Variants in CAMK4 observed in about 807,000 individuals in gnomAD.
CAMK4 encodes calcium/calmodulin dependent protein kinase IV.
In CAMK4, 22 loss-of-function variants were observed where a neutral mutation model predicts 44.9. The observed-to-expected ratio is 0.49, with a 90% CI of 0.35 to 0.70. The LOEUF is 0.70. Among genes scored for constraint, CAMK4 ranks in the 30% least tolerant of loss-of-function variants. The pLI is 0.01. For missense variants in CAMK4, 498 were observed against 586.8 expected, an observed-to-expected ratio of 0.85 and a Z score of 1.56; for synonymous variants, 218 against 215.4, an observed-to-expected ratio of 1.01 and a Z score of -0.11.
intron 1 of CAMK4, among the ~76,000 whole-genome samples, chr5:111,322,231 G>T (rs1365808687): frequency 2.0e-5 from 3 of 152,048 alleles, no homozygotes; most frequent in Non-Finnish European, 4.4e-5. Flanking sequence ...AACAAATGTG[G>T]AGAAGCTGAG....
rs146507463 is a variant in CAMK4, at chr5:111,347,314, G to A, written c.240+3212G>A. On this transcript the variant is annotated intron_variant, in intron 2 of 10. Coordinates refer to ENST00000282356, the MANE Select transcript of CAMK4 (RefSeq NM_001744.6). ...TGACAGTGGTTGGCATTTTTCATCT[G>A]GTGAGGGTCAAGGTTTCTGAATAAC... Among the ~76,000 whole-genome samples the A allele has an allele frequency of 1.6e-4, 24 of 152,086 alleles. No homozygotes were observed. The South Asian group carries it at 2.5e-3, about 16-fold the overall frequency.
At chr5:111,359,659 T>C (rs973407065) in intron 2 of CAMK4, among the ~76,000 whole-genome samples, 5 of 152,144 alleles carry the variant, frequency 3.3e-5, no homozygotes, top group African/African-American at 9.7e-5. Flanking sequence ...TCCTTGCCAA[T>C]TCCTATGTCC....
chr5:111,320,798 A>T (rs1748631769), intron 1 of CAMK4, among the ~76,000 whole-genome samples: 1 of 152,122 alleles, frequency 6.6e-6, no homozygotes, highest in South Asian at 2.1e-4. Flanking sequence ...GAGCCACTGT[A>T]CCCAGCTAAT....
At chr5:111,345,242 A>G (rs1749818533) in intron 2 of CAMK4, among the ~76,000 whole-genome samples, 1 of 151,918 alleles carries the variant, frequency 6.6e-6, no homozygotes, top group African/African-American at 2.4e-5. Flanking sequence ...AATAACAAAA[A>G]CAATTTAATG....
intron 1 of CAMK4, among the ~76,000 whole-genome samples, chr5:111,335,205 C>T (rs957774574): frequency 6.6e-6 from 1 of 151,396 alleles, no homozygotes; most frequent in Non-Finnish European, 1.5e-5. Flanking sequence ...CACAAACATC[C>T]CACTATGTCC....
chr5:111,352,455 G>A (rs544196295), intron 2 of CAMK4, among the ~76,000 whole-genome samples: 113 of 151,994 alleles, frequency 7.4e-4, no homozygotes, highest in African/African-American at 2.5e-3. Context: ...AAATTAATAA[G>A]ACAATACTTT....
chr5:111,362,598 T>A (rs1750636739), intron 2 of CAMK4, among the ~76,000 whole-genome samples: 1 of 152,084 alleles, frequency 6.6e-6, no homozygotes, highest in Non-Finnish European at 1.5e-5. Flanking sequence ...TTTTTAAATG[T>A]GACTATGATA....
At chr5:111,356,822 G>A (rs548075927) in intron 2 of CAMK4, among the ~76,000 whole-genome samples, 20 of 152,132 alleles carry the variant, frequency 1.3e-4, no homozygotes, top group Admixed American at 7.2e-4. Flanking sequence ...GTAGATATGC[G>A]GCGTTATTTC....
At chr5:111,346,011 A>G (rs1749848174) in intron 2 of CAMK4, among the ~76,000 whole-genome samples, 2 of 151,994 alleles carry the variant, frequency 1.3e-5, no homozygotes, top group South Asian at 4.1e-4. Flanking sequence ...TTGAATGTGA[A>G]TTAGATAGAA....
chr5:111,330,907 C>G (rs1193886855), intron 1 of CAMK4, among the ~76,000 whole-genome samples: 1 of 151,586 alleles, frequency 6.6e-6, no homozygotes, highest in Non-Finnish European at 1.5e-5. Flanking sequence ...GCTGGAACAA[C>G]TACATAAATA....
chr5:111,376,774 A>G (rs998242633), intron 3 of CAMK4, 86 bp from the exon 4 acceptor site: 10 of 724,494 alleles, frequency 1.4e-5, no homozygotes, highest in Admixed American at 4.6e-5. Context: ...CTACTGCAGA[A>G]TGTTGTTTTA....
rs77701426 is a variant in CAMK4, at chr5:111,446,180, A to C, written c.460-506A>C. ...ATGAGTGCATCCATCATTATCAAAC[A>C]GTATTTGTCTTGTTAAGGATAGTTC... On this transcript the variant is annotated intron_variant, in intron 5 of 10. Transcript: ENST00000282356. 3.9e-3 allele frequency among the ~76,000 whole-genome samples: 589 copies of C among 152,372 alleles called. 5 individuals carry two copies. Among genetic ancestry groups the C allele is most frequent in the African/African-American group, 0.013 (536 of 41,584 alleles).
intron 2 of CAMK4, among the ~76,000 whole-genome samples, chr5:111,349,055 TAA>T (rs1459281612): frequency 6.6e-6 from 1 of 152,040 alleles, no homozygotes; most frequent in Non-Finnish European, 1.5e-5. Context: ...GTGTTAACTG[TAA>T]ACAAGAGAGG....
chr5:111,340,184 A>C (rs1749580458), intron 1 of CAMK4, among the ~76,000 whole-genome samples: 1 of 150,652 alleles, frequency 6.6e-6, no homozygotes, highest in African/African-American at 2.4e-5. Context: ...AGTTTAACTT[A>C]CTCCTTTTTG....
chr5:111,462,625 T>C (rs1175805451), intron 7 of CAMK4, among the ~76,000 whole-genome samples: 1 of 152,174 alleles, frequency 6.6e-6, no homozygotes, highest in Non-Finnish European at 1.5e-5. Context: ...ACTCAGTAAG[T>C]AAGAAAGAAT....
At chr5:111,227,638 A>T (rs1442514932) in intron 1 of CAMK4, among the ~76,000 whole-genome samples, 1 of 152,240 alleles carries the variant, frequency 6.6e-6, no homozygotes, top group African/African-American at 2.4e-5. Context: ...AAGCCCCTGG[A>T]TAGTGCTGGC....
At chr5:111,433,064 G>A (rs1037307784) in intron 5 of CAMK4, among the ~76,000 whole-genome samples, 1 of 152,176 alleles carries the variant, frequency 6.6e-6, no homozygotes, top group African/African-American at 2.4e-5. Context: ...GAGACTAGAG[G>A]AAGATTTCAC....
rs1375817336 is a variant in CAMK4 at position 111,487,709 on chromosome 5, C to T, written c.*3243C>T. The T allele has an allele frequency of 6.6e-6, 1 of 152,096 alleles. No homozygotes were observed. The highest frequency in any genetic ancestry group is 1.9e-4 in the East Asian group (1 of 5,194). 9.4% of individuals were successfully genotyped at this position (152,096 alleles called of 1,614,324 possible). A position where few individuals can be genotyped will look rare whatever the true frequency, so the allele number is the denominator to read the frequency against. On this transcript the variant is annotated 3_prime_UTR_variant, in exon 11 of 11. Coordinates refer to ENST00000282356, the MANE Select transcript of CAMK4 (RefSeq NM_001744.6). ...TGTTAGGCCTTTGGGACATCAAGTGCTCAATAGTCACATGTGGCTAGTGGC... is the reference window on the plus strand; with the variant it reads ...TGTTAGGCCTTTGGGACATCAAGTGTTCAATAGTCACATGTGGCTAGTGGC...
intron 5 of CAMK4, among the ~76,000 whole-genome samples, chr5:111,428,652 G>A (rs1183855877): frequency 2.6e-5 from 4 of 152,162 alleles, no homozygotes; most frequent in African/African-American, 9.7e-5. Context: ...AAGAATTAGT[G>A]AGCTTGAAGA....
Sources: allele counts gnomAD v4.1 joint callset (sites outside exome capture counted in the v4.1 genomes callset), GRCh38; gene constraint gnomAD v4.1.1; transcripts MANE v1.5; gene names NCBI Gene and HGNC (gene_info 2026-07-23, HGNC 2026-07-21).